Variants in MAP3K5 observed in about 807,000 individuals in gnomAD.
The protein encoded by MAP3K5 is mitogen-activated protein kinase kinase kinase 5, also known as ASK-1.
In MAP3K5, 56 loss-of-function variants were observed where a neutral mutation model predicts 158.7. That is an observed-to-expected ratio of 0.35 (90% CI 0.28 to 0.44). The LOEUF (loss-of-function observed/expected upper bound fraction) is 0.44, where lower values mean the gene tolerates loss of function less well. Ranked by LOEUF, MAP3K5 falls within the 20% of genes least tolerant of loss-of-function variation. The pLI is 1.00. For synonymous variants in MAP3K5, 579 were observed against 601.7 expected (o/e 0.96, Z 0.55); for missense variants, 1,294 against 1,674.8 (o/e 0.77, Z 3.97).
At chr6:136,697,503 G>T in intron 4 of MAP3K5, 116 bp from the exon 5 acceptor site, 1 of 805,450 alleles carries the variant, frequency 1.2e-6, no homozygotes, top group Non-Finnish European at 1.9e-6. Context: ...AGCATTTGTA[G>T]TTTTCAGTTC....
Position 136,784,789 on chromosome 6 carries a change from GC to G in MAP3K5, c.448+6920del, listed in dbSNP as rs906436630. Among the ~76,000 whole-genome samples, 58 of 152,140 alleles carry G rather than the reference GC, an allele frequency of 3.8e-4. 1 individual carries two copies. Among genetic ancestry groups the G allele is most frequent in the African/African-American group, 1.4e-3 (57 of 41,518 alleles). On this transcript the variant is annotated intron_variant, in intron 1 of 29. Coordinates refer to ENST00000359015, the MANE Select transcript of MAP3K5 (RefSeq NM_005923.4). ...ACACATTTTCTGTATGTGAAGATCT[GC>G]CCTTCATTCTAAGGTTATGTCCCCC...
intron 21 of MAP3K5, among the ~76,000 whole-genome samples, chr6:136,594,183 T>C (rs1340525984): frequency 6.6e-6 from 1 of 152,230 alleles, no homozygotes; most frequent in East Asian, 1.9e-4. Context: ...GCCTGGCATG[T>C]ATTGTTTCCA....
chr6:136,582,243 T>G (rs1349952400), intron 24 of MAP3K5, among the ~76,000 whole-genome samples: 2 of 149,780 alleles, frequency 1.3e-5, no homozygotes, highest in South Asian at 2.1e-4. Flanking sequence ...CAGGCGTGTA[T>G]GTGTACACGT....
intron 18 of MAP3K5, among the ~76,000 whole-genome samples, chr6:136,607,570 A>G (rs1776156126): frequency 6.6e-6 from 1 of 152,214 alleles, no homozygotes. Flanking sequence ...CAATGAGAGT[A>G]TTTGCTCTAA....
chr6:136,592,232 T>C lies in MAP3K5; in HGVS notation c.3166A>G (p.Arg1056Gly). The C allele has an allele frequency of 6.2e-7, 1 of 1,610,632 alleles. No individual in the cohort carries two copies. Among genetic ancestry groups the C allele is most frequent in the Non-Finnish European group, 8.5e-7 (1 of 1,178,626 alleles). Residue 1056 changes from arginine to glycine, a missense_variant, in exon 23 of 30, where the codon AGG (arginine) becomes GGG (glycine). By Grantham distance (125) the Arg-to-Gly change is moderately radical. Coordinates refer to ENST00000359015, the MANE Select transcript of MAP3K5 (RefSeq NM_005923.4). ...TTGTCTTGGTCTTCCGTCAGGATCC[T>C]GTGAAGGGTAGCTCGCCTCTCACTG... is the stretch of plus-strand genomic sequence containing the variant. ...KDSERRATLH[R>G]ILTEDQDKIV... is the part of the protein sequence containing the mutation.
chr6:136,628,489 C>G (rs1250557946), intron 14 of MAP3K5, among the ~76,000 whole-genome samples: 1 of 151,948 alleles, frequency 6.6e-6, no homozygotes, highest in African/African-American at 2.4e-5. Flanking sequence ...GTGATCCTCC[C>G]AAATAGCTGG....
intron 1 of MAP3K5, among the ~76,000 whole-genome samples, chr6:136,773,531 C>T (rs1784292407): frequency 6.6e-6 from 1 of 152,048 alleles, no homozygotes; most frequent in Non-Finnish European, 1.5e-5. Context: ...AGAGCTAATC[C>T]CTTCTCTCTC....
chr6:136,562,879 G>A (rs1486505765), intron 26 of MAP3K5, among the ~76,000 whole-genome samples: 1 of 128,114 alleles, frequency 7.8e-6, no homozygotes, highest in African/African-American at 3.0e-5. Context: ...GTCTTGCTAT[G>A]TTGTCCAAGC....
intron 1 of MAP3K5, among the ~76,000 whole-genome samples, chr6:136,788,070 T>C (rs1461480935): frequency 2.6e-5 from 4 of 152,198 alleles, no homozygotes; most frequent in African/African-American, 7.2e-5. Flanking sequence ...TAGGTCCTGT[T>C]TATGGCTGCT....
At chr6:136,743,744 A>G (rs1782814073) in intron 1 of MAP3K5, among the ~76,000 whole-genome samples, 1 of 152,252 alleles carries the variant, frequency 6.6e-6, no homozygotes, top group South Asian at 2.1e-4. Context: ...ACAGATGTGT[A>G]TAACAGCTTT....
At chr6:136,653,062 G>C (rs1253697021) in intron 10 of MAP3K5, among the ~76,000 whole-genome samples, 2 of 152,150 alleles carry the variant, frequency 1.3e-5, no homozygotes, top group East Asian at 1.9e-4. Context: ...AAGACTGCAA[G>C]GCCTATAAAG....
chr6:136,727,561 A>C (rs1226968218), intron 1 of MAP3K5, among the ~76,000 whole-genome samples: 1 of 152,268 alleles, frequency 6.6e-6, no homozygotes, highest in Non-Finnish European at 1.5e-5. Context: ...TTTGGGGATC[A>C]AATCATACCA....
chr6:136,646,899 C>T (rs1778286127), intron 11 of MAP3K5, among the ~76,000 whole-genome samples: 1 of 152,168 alleles, frequency 6.6e-6, no homozygotes, highest in African/African-American at 2.4e-5. Context: ...CCATTAGTTT[C>T]AACTAAACAC....
At chr6:136,789,022 G>GACTTAAAGA (rs1308768530) in intron 1 of MAP3K5, among the ~76,000 whole-genome samples, 67 of 152,378 alleles carry the variant, frequency 4.4e-4, no homozygotes, top group African/African-American at 1.6e-3. Context: ...GGGAGGCTGG[G>GACTTAAAGA]TGCGGTGGCT....
intron 23 of MAP3K5, among the ~76,000 whole-genome samples, chr6:136,587,621 A>T (rs1775196150): frequency 6.6e-6 from 1 of 152,168 alleles, no homozygotes; most frequent in Non-Finnish European, 1.5e-5. Flanking sequence ...CTGGGTCAGG[A>T]CCTGTTCTAC....
At chr6:136,630,421 G>C (rs1464476979) in intron 14 of MAP3K5, 2 of 151,412 alleles carry the variant, frequency 1.3e-5, no homozygotes, top group Non-Finnish European at 2.9e-5. Flanking sequence ...TTCAATAGCT[G>C]TCCAAAAATA....
At chr6:136,622,101 AG>A (rs908991738) in intron 15 of MAP3K5, among the ~76,000 whole-genome samples, 2 of 151,514 alleles carry the variant, frequency 1.3e-5, no homozygotes, top group African/African-American at 4.9e-5. Flanking sequence ...AAAAAAAAAA[AG>A]AAATAGTGAC....
chr6:136,742,172 G>T (rs1207624541), intron 1 of MAP3K5, among the ~76,000 whole-genome samples: 1 of 152,140 alleles, frequency 6.6e-6, no homozygotes. Context: ...AGAGGGAAAA[G>T]ACCAGAAGAG....
At chr6:136,642,920 C>G (rs1216423983) in intron 11 of MAP3K5, among the ~76,000 whole-genome samples, 1 of 152,140 alleles carries the variant, frequency 6.6e-6, no homozygotes, top group East Asian at 1.9e-4. Flanking sequence ...TTGAGAAATA[C>G]TTCTTTTCCG....
Sources: allele counts gnomAD v4.1 joint callset (sites outside exome capture counted in the v4.1 genomes callset), GRCh38; gene constraint gnomAD v4.1.1; transcripts MANE v1.5; gene names NCBI Gene and HGNC (gene_info 2026-07-23, HGNC 2026-07-21).